Variants in MAST4 observed in about 807,000 individuals in gnomAD.
MAST4 encodes microtubule associated serine/threonine kinase family member 4.
MAST4 carries 89 observed loss-of-function variants against 162.7 expected under a neutral mutation model. The ratio of observed to expected loss-of-function variants is 0.55; its 90% confidence interval spans 0.46 to 0.65. The LOEUF (loss-of-function observed/expected upper bound fraction) is 0.65, where lower values mean the gene tolerates loss of function less well. MAST4 is among the 30% of genes least tolerant of loss of function. The probability of loss-of-function intolerance (pLI) is 0.00; values close to 1 mark genes in which losing one functional copy is unlikely to be tolerated. For missense variants in MAST4, 3,153 were observed against 3,374.0 expected (o/e 0.93, Z 1.62); for synonymous variants, 1,479 against 1,361.1 (o/e 1.09, Z -1.91).
chr5:66,964,076 A>G (rs1746350330), intron 4 of MAST4: 2 of 568,628 alleles, frequency 3.5e-6, no homozygotes, highest in East Asian at 4.4e-5. Context: ...GTTTTGATCA[A>G]TATAAAGATA....
At position 66,874,279 on chromosome 5, in the gene MAST4, G is replaced by A. The variant is rs1007665287; in HGVS notation, c.643-25672G>A. 2.6e-5 allele frequency among the ~76,000 whole-genome samples: 4 copies of A among 152,192 alleles called. No homozygotes were observed. In the East Asian group the frequency reaches 5.8e-4, roughly 22 times the overall value. ...GGAATAGTAGTTCAAAGACCATGGA[G>A]CAGTTATTTGTAGAGCTGGTAAAGG... On this transcript the variant is annotated intron_variant, in intron 3 of 28. Transcript: ENST00000403625.
intron 4 of MAST4, among the ~76,000 whole-genome samples, chr5:66,972,823 G>C (rs977058032): frequency 6.6e-6 from 1 of 152,144 alleles, no homozygotes; most frequent in Admixed American, 6.5e-5. Flanking sequence ...CCGTGATCCG[G>C]CTTCCTGCCG....
At chr5:66,681,319 C>T (rs940419018) in intron 1 of MAST4, among the ~76,000 whole-genome samples, 1 of 152,304 alleles carries the variant, frequency 6.6e-6, no homozygotes, top group East Asian at 1.9e-4. Context: ...AAAGTGAATC[C>T]AGATCTCCCA....
At chr5:66,673,224 T>G (rs1225936964) in intron 1 of MAST4, among the ~76,000 whole-genome samples, 1 of 152,164 alleles carries the variant, frequency 6.6e-6, no homozygotes, top group African/African-American at 2.4e-5. Flanking sequence ...AATTATCTGC[T>G]TACACTTTCT....
rs1198793875 is a variant in MAST4, at chr5:66,884,252, G to T, written c.643-15699G>T. Among the ~76,000 whole-genome samples the T allele has an allele frequency of 3.9e-5, 6 of 152,296 alleles. No individual in the cohort carries two copies. The East Asian group carries it at 9.6e-4, about 24-fold the overall frequency. ...AATAAAATGCTAATGATTGTAAAAA[G>T]TCTTGGGGAAATCTTAAAATAAGTA... is the stretch of plus-strand genomic sequence containing the variant. On this transcript the variant is annotated intron_variant, in intron 3 of 28. Transcript: ENST00000403625.
At chr5:66,749,744 C>T (rs1753018417) in intron 1 of MAST4, among the ~76,000 whole-genome samples, 1 of 152,204 alleles carries the variant, frequency 6.6e-6, no homozygotes, top group Admixed American at 6.5e-5. Context: ...ACTAACATCT[C>T]ATGGTTGAGG....
chr5:67,094,102 C>A, intron 6 of MAST4: 2 of 1,256,428 alleles, frequency 1.6e-6, no homozygotes, highest in South Asian at 3.3e-5. Flanking sequence ...ATACATCTTA[C>A]TTTGCTTCTT....
At chr5:66,712,255 A>G (rs868268020) in intron 1 of MAST4, among the ~76,000 whole-genome samples, 5 of 152,340 alleles carry the variant, frequency 3.3e-5, no homozygotes, top group Middle Eastern at 3.4e-3. Flanking sequence ...TAACCTTAGA[A>G]CATAATGTCA....
At chr5:67,112,534 C>T (rs143283407) in intron 11 of MAST4, among the ~76,000 whole-genome samples, 11 of 152,286 alleles carry the variant, frequency 7.2e-5, no homozygotes, top group African/African-American at 2.4e-4. Flanking sequence ...GTTCTTATGA[C>T]CCCTTCTCTG....
chr5:66,715,577 G>A (rs949905229), intron 1 of MAST4, among the ~76,000 whole-genome samples: 2 of 150,348 alleles, frequency 1.3e-5, no homozygotes, highest in Non-Finnish European at 3.0e-5. Context: ...GCTAAATGAC[G>A]AGTTAATGGG....
intron 4 of MAST4, among the ~76,000 whole-genome samples, chr5:67,016,007 A>T (rs1401258639): frequency 6.6e-6 from 1 of 152,190 alleles, no homozygotes; most frequent in South Asian, 2.1e-4. Context: ...GACCAGGGCT[A>T]TGATTATCAC....
chr5:66,785,811 C>T (rs1466410758), intron 2 of MAST4, among the ~76,000 whole-genome samples: 2 of 152,142 alleles, frequency 1.3e-5, no homozygotes, highest in Non-Finnish European at 2.9e-5. Context: ...AAACTTATTT[C>T]CTCACATCAG....
chr5:66,932,019 A>G (rs1742246080), intron 4 of MAST4, among the ~76,000 whole-genome samples: 1 of 152,192 alleles, frequency 6.6e-6, no homozygotes, highest in African/African-American at 2.4e-5. Context: ...GGTAAGAAAC[A>G]TCACACTGAC....
chr5:67,038,029 G>T (rs1756240811), intron 4 of MAST4, among the ~76,000 whole-genome samples: 1 of 151,894 alleles, frequency 6.6e-6, no homozygotes, highest in Admixed American at 6.6e-5. Flanking sequence ...GAGACCTCTT[G>T]CATCCACCTT....
chr5:66,763,230 C>T (rs567018228), intron 2 of MAST4, among the ~76,000 whole-genome samples: 2 of 152,302 alleles, frequency 1.3e-5, no homozygotes, highest in South Asian at 4.1e-4. Flanking sequence ...TTTAAATAAA[C>T]TCTTAATTCC....
At chr5:66,858,094 C>G (rs1268135044) in intron 3 of MAST4, among the ~76,000 whole-genome samples, 1 of 152,016 alleles carries the variant, frequency 6.6e-6, no homozygotes, top group Admixed American at 6.6e-5. Flanking sequence ...GTAGCTGGGA[C>G]TGCAGGTGCA....
chr5:67,084,395 A>G (rs570323045), intron 5 of MAST4, among the ~76,000 whole-genome samples: 2 of 152,334 alleles, frequency 1.3e-5, no homozygotes, highest in East Asian at 1.9e-4. Context: ...TTGGAGTTGG[A>G]TATACACATC....
intron 2 of MAST4, among the ~76,000 whole-genome samples, chr5:66,778,013 C>T (rs60118145): frequency 2.6e-5 from 4 of 152,104 alleles, no homozygotes; most frequent in Non-Finnish European, 5.9e-5. Context: ...TTTCAGTATG[C>T]GAATTGAGGG....
At chr5:67,091,375 A>G (rs2150798972) in intron 6 of MAST4, among the ~76,000 whole-genome samples, 1 of 152,328 alleles carries the variant, frequency 6.6e-6, no homozygotes, top group Non-Finnish European at 1.5e-5. Flanking sequence ...CATGGGGACA[A>G]TACAAGAGTG....
Sources: allele counts gnomAD v4.1 joint callset (sites outside exome capture counted in the v4.1 genomes callset), GRCh38; gene constraint gnomAD v4.1.1; transcripts MANE v1.5; gene names NCBI Gene and HGNC (gene_info 2026-07-23, HGNC 2026-07-21).